AKT3: variants seen among roughly 807,000 people sequenced by gnomAD.
AKT3 encodes the protein AKT serine/threonine kinase 3, also known as RAC-gamma serine/threonine-protein kinase.
A neutral mutation model predicts 65.3 loss-of-function variants in AKT3; 15 were observed. The ratio of observed to expected loss-of-function variants is 0.23; its 90% CI spans 0.15 to 0.35. The LOEUF (loss-of-function observed/expected upper bound fraction) is 0.35. Ranked by LOEUF, AKT3 falls within the 10% of genes least tolerant of loss-of-function variation. The probability of loss-of-function intolerance (pLI) is 1.00; values close to 1 mark genes in which losing one functional copy is unlikely to be tolerated. For synonymous variants in AKT3, 206 were observed against 183.8 expected, an observed-to-expected ratio of 1.12 and a Z score of -0.98; for missense variants, 243 against 576.5, an observed-to-expected ratio of 0.42 and a Z score of 5.92.
chr1:243,545,482 T>C (rs1157715729), intron 12 of AKT3, 28 bp downstream of exon 12: 3 of 1,423,308 alleles, frequency 2.1e-6, no homozygotes, highest in East Asian at 4.6e-5. Context: ...CCAAAATATA[T>C]ACACACTATG....
At chr1:243,530,723 A>C (rs1671463599) in intron 12 of AKT3, among the ~76,000 whole-genome samples, 1 of 152,220 alleles carries the variant, frequency 6.6e-6, no homozygotes. Context: ...AAAGATGAAC[A>C]AATCCAGGAG....
Position 243,788,406 on chromosome 1 carries a change from G to A in AKT3, c.46+54719C>T, listed in dbSNP as rs772956151. On this transcript the variant is annotated intron_variant, in intron 2 of 13. Transcript: ENST00000673466. The stretch of plus-strand genomic sequence containing the variant: ...AGAATTTCCACTATAAATTCATTAT[G>A]TGTGAGTGCAGCTATCCCTGGGTAT... Among the ~76,000 whole-genome samples, 36 of 152,250 alleles carry A rather than the reference G, an allele frequency of 2.4e-4. 1 individual carries two copies. The highest frequency in any genetic ancestry group is 1.6e-3 in the Admixed American group (25 of 15,296).
At chr1:243,611,830 C>T (rs1677892639) in intron 8 of AKT3, among the ~76,000 whole-genome samples, 1 of 152,148 alleles carries the variant, frequency 6.6e-6, no homozygotes, top group Admixed American at 6.5e-5. Flanking sequence ...AGTGATTCTG[C>T]CCATCCCATC....
At chr1:243,764,746 A>G (rs1346170767) in intron 2 of AKT3, among the ~76,000 whole-genome samples, 2 of 152,150 alleles carry the variant, frequency 1.3e-5, no homozygotes, top group Non-Finnish European at 2.9e-5. Context: ...CATAACTACC[A>G]TATGTTACTC....
At chr1:243,786,897 T>C (rs1431923844) in intron 2 of AKT3, among the ~76,000 whole-genome samples, 2 of 151,908 alleles carry the variant, frequency 1.3e-5, no homozygotes, top group African/African-American at 4.8e-5. Context: ...CTAAAAAAGC[T>C]GTGAAGAAAA....
intron 12 of AKT3, among the ~76,000 whole-genome samples, chr1:243,544,001 G>C (rs1484911060): frequency 6.6e-6 from 1 of 151,920 alleles, no homozygotes; most frequent in Non-Finnish European, 1.5e-5. Context: ...TTACCTTAAG[G>C]CTTAACAGAG....
At chr1:243,736,835 T>C (rs533205598) in intron 2 of AKT3, among the ~76,000 whole-genome samples, 2 of 152,292 alleles carry the variant, frequency 1.3e-5, no homozygotes, top group African/African-American at 4.8e-5. Flanking sequence ...CACCCCTATA[T>C]TGCTATTTTC....
At chr1:243,593,465 T>G (rs1256873142) in intron 8 of AKT3, among the ~76,000 whole-genome samples, 1 of 152,170 alleles carries the variant, frequency 6.6e-6, no homozygotes, top group Non-Finnish European at 1.5e-5. Flanking sequence ...GGTGCGTGGA[T>G]CACTTGAGGG....
intron 2 of AKT3, among the ~76,000 whole-genome samples, chr1:243,708,971 A>C (rs547741642): frequency 2.0e-4 from 31 of 152,112 alleles, no homozygotes; most frequent in African/African-American, 6.3e-4. Flanking sequence ...TTACACTAAG[A>C]ATCTTTACAT....
In AKT3 at chr1:243,499,730, A is replaced by AACTT; in HGVS notation, c.*5515_*5518dup. 7.5e-6 allele frequency: 12 copies of AACTT among 1,589,886 alleles called. No homozygotes were observed. The highest frequency in any genetic ancestry group is 2.2e-5 in the East Asian group (1 of 44,792). On this transcript the variant is annotated 3_prime_UTR_variant, in exon 14 of 14. Transcript: ENST00000673466. ...AACATTGAAGAACATGAGCTATTGA[A>AACTT]ACTTACTTTTTATTATTTTTTCCAG...
At chr1:243,745,900 A>G (rs1688447488) in intron 2 of AKT3, among the ~76,000 whole-genome samples, 1 of 152,236 alleles carries the variant, frequency 6.6e-6, no homozygotes, top group African/African-American at 2.4e-5. Context: ...AATTATATAA[A>G]GTGAGCATCT....
At position 243,742,045 on chromosome 1, in the gene AKT3, TAC is replaced by T. The variant is rs1157024019; in HGVS notation, c.47-46331_47-46330del. Reference sequence around the variant, plus strand: ...TTTCTCATCCACAGATTCAAACAACTACAGATAGAAAATTAAAAAAAAAAAAA... The same window carrying T: ...TTTCTCATCCACAGATTCAAACAACTAGATAGAAAATTAAAAAAAAAAAAA... On this transcript the variant is annotated intron_variant, in intron 2 of 13. Coordinates refer to ENST00000673466, the MANE Select transcript of AKT3 (RefSeq NM_005465.7). Among the ~76,000 whole-genome samples, 8 of 95,016 alleles carry T rather than the reference TAC, an allele frequency of 8.4e-5. No homozygotes were observed. The East Asian group carries it at 1.9e-3, about 23-fold the overall frequency. 62.3% of individuals were successfully genotyped at this position (95,016 alleles called of 152,430 possible). A position where few individuals can be genotyped will look rare whatever the true frequency, so the allele number is the denominator to read the frequency against.
intron 12 of AKT3, among the ~76,000 whole-genome samples, chr1:243,515,542 T>A (rs1165333797): frequency 2.0e-5 from 3 of 152,230 alleles, no homozygotes; most frequent in Non-Finnish European, 4.4e-5. Flanking sequence ...ACTATAGTGA[T>A]TGGTTTTGAA....
chr1:243,786,366 A>G (rs540170478), intron 2 of AKT3, among the ~76,000 whole-genome samples: 1 of 152,276 alleles, frequency 6.6e-6, no homozygotes, highest in Non-Finnish European at 1.5e-5. Context: ...TTCTCAACCT[A>G]CAAGTTTGTA....
intron 12 of AKT3, among the ~76,000 whole-genome samples, chr1:243,536,366 C>G (rs1159904380): frequency 6.6e-6 from 1 of 152,154 alleles, no homozygotes; most frequent in African/African-American, 2.4e-5. Context: ...TCAGGTCTTA[C>G]ATTTATGTCT....
At chr1:243,519,738 C>CA (rs1395962646) in intron 12 of AKT3, among the ~76,000 whole-genome samples, 8 of 152,092 alleles carry the variant, frequency 5.3e-5, no homozygotes, top group Admixed American at 5.2e-4. Context: ...ATCCACCTTA[C>CA]AGTCCTGATT....
intron 2 of AKT3, among the ~76,000 whole-genome samples, chr1:243,797,121 G>A (rs1436212170): frequency 6.6e-6 from 1 of 151,450 alleles, no homozygotes; most frequent in African/African-American, 2.4e-5. Context: ...TGGTTAAAAT[G>A]GTAAATTTTA....
At chr1:243,792,299 T>C (rs1246811490) in intron 2 of AKT3, among the ~76,000 whole-genome samples, 1 of 1,334 alleles carries the variant, frequency 7.5e-4, no homozygotes, top group Non-Finnish European at 1.1e-3. Context: ...GGAAACAATT[T>C]ATTCACTTAA....
At chr1:243,489,260 G>A in intron 13 of AKT3, 1 of 1,347,002 alleles carries the variant, frequency 7.4e-7, no homozygotes, top group Non-Finnish European at 1.0e-6. Context: ...TAAGCTGGGA[G>A]GGAGGTCCCG....
Sources: gnomAD v4.1 joint callset for allele counts (sites outside exome capture counted in the v4.1 genomes callset) on GRCh38, gnomAD v4.1.1 for gene constraint, MANE v1.5 for transcripts, NCBI Gene and HGNC (gene_info 2026-07-23, HGNC 2026-07-21) for gene names.